The following CPNE7 variants were observed in gnomAD, a reference collection of about 807,000 sequenced individuals.
The protein encoded by CPNE7 is copine 7.
Under a neutral mutation model 66.5 loss-of-function variants are expected in CPNE7, and 78 were observed. That is an observed-to-expected ratio of 1.17 (90% CI 0.98 to 1.42). The LOEUF (loss-of-function observed/expected upper bound fraction) is 1.42, where lower values mean the gene tolerates loss of function less well. Ranked by LOEUF, CPNE7 falls within the 40% of genes most tolerant of loss-of-function variation. The probability of loss-of-function intolerance (pLI) is 0.00; values close to 1 mark genes in which losing one functional copy is unlikely to be tolerated. For missense variants in CPNE7, 1,012 were observed against 776.6 expected, an observed-to-expected ratio of 1.30 and a Z score of -3.60; for synonymous variants, 468 against 336.7, an observed-to-expected ratio of 1.39 and a Z score of -4.27.
intron 9 of CPNE7, 41 bp from the exon 10 acceptor site, chr16:89,588,634 G>C: frequency 6.2e-7 from 1 of 1,610,480 alleles, no homozygotes; most frequent in African/African-American, 1.3e-5. Context: ...GGTTCGGGGA[G>C]CCCCGGCCCA....
Position 89,587,544 on chromosome 16 carries a change from A to G in CPNE7, c.927+442A>G, listed in dbSNP as rs749371324. On this transcript the variant is annotated intron_variant, in intron 9 of 14. Coordinates refer to ENST00000319518, the MANE Select transcript of CPNE7 (RefSeq NM_153636.3). ...ACCAGGGCTTACCTTCCACAAACAC[A>G]TTTAACAACAGACAAAACGTGAACG... 2.0e-5 allele frequency: 9 copies of G among 453,828 alleles called. No individual in the cohort carries two copies. The East Asian group carries it at 3.5e-4, about 18-fold the overall frequency. The allele number at this position is 453,828 out of a possible 1,614,324, so 28.1% of individuals were successfully genotyped here. A position where few individuals can be genotyped will look rare whatever the true frequency, so the allele number is the denominator to read the frequency against.
At chr16:89,576,285 G>A (rs1028842527) in intron 1 of CPNE7, among the ~76,000 whole-genome samples, 1 of 152,058 alleles carries the variant, frequency 6.6e-6, no homozygotes, top group African/African-American at 2.4e-5. Context: ...AGGAGGTGGC[G>A]GCGAGCGGGG....
At chr16:89,583,508 G>A (rs1322306039) in intron 2 of CPNE7, 189 bp from the exon 3 acceptor site, 4 of 1,559,986 alleles carry the variant, frequency 2.6e-6, no homozygotes, top group Non-Finnish European at 3.5e-6. Flanking sequence ...GTGCAGGGGT[G>A]GCCACACGCA....
Position 89,584,897 on chromosome 16 carries a change from C to G in CPNE7, c.591+40C>G. ...ATGGGAACACAGGGAGGGGAAGGGG[C>G]TGTCCCCAGCCCTCACGCATCTCTG... is the stretch of plus-strand genomic sequence containing the variant. On this transcript the variant is annotated intron_variant, in intron 5 of 14. Coordinates refer to ENST00000319518, the MANE Select transcript of CPNE7 (RefSeq NM_153636.3). This position sits in a 1 kb window ranked among gnomAD's most constrained non-coding sequence, Gnocchi z 6.0. 1 of 1,555,102 alleles carries G rather than the reference C, an allele frequency of 6.4e-7. No homozygotes were observed.
At chr16:89,588,244 CGT>C (rs1418605343) in intron 9 of CPNE7, among the ~76,000 whole-genome samples, 2 of 151,684 alleles carry the variant, frequency 1.3e-5, no homozygotes, top group African/African-American at 2.4e-5. Flanking sequence ...GTGTCACCCG[CGT>C]GTTATTTGCA....
In CPNE7 at chr16:89,588,858, C is replaced by T. The variant is rs774138279; in HGVS notation, c.1061+50C>T. 5.6e-6 allele frequency: 9 copies of T among 1,603,246 alleles called. No homozygotes were observed. In the African/African-American group the frequency reaches 6.7e-5, roughly 12 times the overall value. ...CCCCTGGTCTCCAGGTCAGCTATGA[C>T]AGGTGCGCCTGGCCGTCTTCCCCCT... On this transcript the variant is annotated intron_variant, in intron 10 of 14. Transcript: ENST00000319518.
intron 13 of CPNE7, among the ~76,000 whole-genome samples, chr16:89,593,395 C>G (rs2059204873): frequency 6.6e-6 from 1 of 151,850 alleles, no homozygotes; most frequent in Non-Finnish European, 1.5e-5. Context: ...GCTCTTCACC[C>G]AGGCTGGAGT....
At chr16:89,593,651 C>G (rs972274217) in intron 13 of CPNE7, among the ~76,000 whole-genome samples, 1 of 152,226 alleles carries the variant, frequency 6.6e-6, no homozygotes, top group Non-Finnish European at 1.5e-5. Context: ...CGCGCCCGGC[C>G]TACCTCTTAC....
At chr16:89,583,630 G>T in intron 2 of CPNE7, 67 bp from the exon 3 acceptor site, 1 of 1,608,912 alleles carries the variant, frequency 6.2e-7, no homozygotes, top group Non-Finnish European at 8.5e-7. Context: ...GTGAGGGCGC[G>T]GTGGGGTCTC....
Position 89,576,052 on chromosome 16 carries a change from C to A in CPNE7, c.155C>A (p.Ala52Glu). 7.6e-7 allele frequency: 1 copy of A among 1,310,472 alleles called. No homozygotes were observed. The highest frequency in any genetic ancestry group is 9.7e-7 in the Non-Finnish European group (1 of 1,030,612). 81.2% of individuals were successfully genotyped at this position (1,310,472 alleles called of 1,614,324 possible). A position where few individuals can be genotyped will look rare whatever the true frequency, so the allele number is the denominator to read the frequency against. ...SDPSVALLQQ[A>E]QGQWVQVGRT... is the part of the protein sequence containing the mutation. ...CCCAGCGTGGCGTTGCTGCAGCAGG[C>A]GCAGGGCCAGTGGGTGCAGGTAGGG... The change falls in exon 1 of 15, where the codon GCG becomes GAG. Residue 52 changes from alanine to glutamate, a missense_variant. Coordinates refer to ENST00000319518, the MANE Select transcript of CPNE7 (RefSeq NM_153636.3).
At chr16:89,587,199 A>C (rs1307880368) in intron 9 of CPNE7, 97 bp downstream of exon 9, 1 of 505,316 alleles carries the variant, frequency 2.0e-6, no homozygotes, top group South Asian at 2.1e-5. Context: ...CCGCCCCCTC[A>C]GTCTGTGGCC....
intron 1 of CPNE7, among the ~76,000 whole-genome samples, chr16:89,576,835 CA>C (rs1468147444): frequency 2.8e-4 from 42 of 152,114 alleles, no homozygotes; most frequent in Non-Finnish European, 5.0e-4. Flanking sequence ...CGTCTCCGGT[CA>C]TCCACCTTGA....
chr16:89,592,212 C>G (rs1414567273), intron 13 of CPNE7, among the ~76,000 whole-genome samples: 1 of 148,150 alleles, frequency 6.7e-6, no homozygotes, highest in Non-Finnish European at 1.5e-5. Context: ...GACGGGGTTT[C>G]ACCGTGTTAG....
intron 13 of CPNE7, 47 bp from the exon 14 acceptor site, chr16:89,595,320 G>T (rs1157057788): frequency 6.7e-7 from 1 of 1,484,626 alleles, no homozygotes; most frequent in African/African-American, 1.4e-5. Flanking sequence ...GGGCGCATGT[G>T]GGCCATGGCA....
chr16:89,587,037 CG>C lies in CPNE7; in HGVS notation c.868-4del, dbSNP rs2059053340. On this transcript the variant is annotated splice_region_variant and splice_polypyrimidine_tract_variant and intron_variant, in intron 8 of 14. Coordinates refer to ENST00000319518, the MANE Select transcript of CPNE7 (RefSeq NM_153636.3). ...GGGGGTGGACGCTGACTCCGCCGGC[CG>C]GAAGTTCCACAGGGTGTACTCCTTC... 2 of 1,576,666 alleles carry C rather than the reference CG, an allele frequency of 1.3e-6. No individual in the cohort carries two copies. The highest frequency in any genetic ancestry group is 2.3e-5 in the South Asian group (2 of 86,474).
In CPNE7 at chr16:89,578,807, C is replaced by T. The variant is rs369250260; in HGVS notation, c.357+1086C>T. 2.3e-4 allele frequency: 351 copies of T among 1,535,144 alleles called. 2 individuals carry two copies. The highest frequency in any genetic ancestry group is 4.0e-4 in the South Asian group (33 of 82,516). On this transcript the variant is annotated intron_variant, in intron 2 of 14. Transcript: ENST00000319518. Reference sequence around the variant, plus strand: ...GCCTCCTTGTGAGCAGCAGGTCCTACGGTGGCCACTGCTTCCTTGGTGATG... The same window carrying T: ...GCCTCCTTGTGAGCAGCAGGTCCTATGGTGGCCACTGCTTCCTTGGTGATG...
intron 2 of CPNE7, among the ~76,000 whole-genome samples, chr16:89,582,424 C>A (rs2058969845): frequency 6.6e-6 from 1 of 152,250 alleles, no homozygotes; most frequent in Admixed American, 6.5e-5. Context: ...TGCTCTCCTG[C>A]CAGAAAGGGG....
intron 14 of CPNE7, chr16:89,595,929 G>C (rs1050459780): frequency 7.4e-6 from 4 of 540,622 alleles, no homozygotes; most frequent in Non-Finnish European, 1.4e-5. Context: ...ACACACGTGA[G>C]GTTCTACCCG....
In CPNE7 at chr16:89,577,608, T is replaced by C. The variant is rs961499702; in HGVS notation, c.244T>C (p.Tyr82His). The change falls in exon 2 of 15, where the codon TAC becomes CAC. Residue 82 changes from tyrosine to histidine, a missense_variant. Tyr to His is a moderately conservative substitution (Grantham distance 83). Transcript: ENST00000319518. ...CTCCAAGGTCTTCACGGTGGACTAC[T>C]ACTTCGAGGAGGTGCAGAGGCTGCG... is the stretch of plus-strand genomic sequence containing the variant. The part of the protein sequence containing the change: ...VFSKVFTVDY[Y>H]FEEVQRLRFE... 7 of 1,561,558 alleles carry C rather than the reference T, an allele frequency of 4.5e-6. No homozygotes were observed. In the African/African-American group the frequency reaches 9.5e-5, roughly 21 times the overall value.
Sources: allele counts gnomAD v4.1 joint callset (sites outside exome capture counted in the v4.1 genomes callset), GRCh38; gene constraint gnomAD v4.1.1; non-coding constraint Gnocchi (gnomAD v3.1); transcripts MANE v1.5; gene names NCBI Gene and HGNC (gene_info 2026-07-23, HGNC 2026-07-21).